STK39: variants seen among roughly 807,000 people sequenced by gnomAD.
STK39 encodes STE20/SPS1-related proline-alanine-rich protein kinase.
A neutral mutation model predicts 77.8 loss-of-function variants in STK39; 20 were observed. The ratio of observed to expected loss-of-function variants is 0.26; its 90% confidence interval spans 0.18 to 0.37. The LOEUF is 0.37. STK39 is among the 10% of genes least tolerant of loss of function. The probability of loss-of-function intolerance (pLI) is 1.00; values close to 1 mark genes in which losing one functional copy is unlikely to be tolerated. For missense variants in STK39, 479 were observed against 656.5 expected, an observed-to-expected ratio of 0.73 and a Z score of 2.95; for synonymous variants, 246 against 234.1, an observed-to-expected ratio of 1.05 and a Z score of -0.47.
At chr2:168,042,000 CTA>C (rs1685118556) in intron 14 of STK39, among the ~76,000 whole-genome samples, 1 of 152,164 alleles carries the variant, frequency 6.6e-6, no homozygotes, top group Admixed American at 6.5e-5. Flanking sequence ...GCTTGCCTCG[CTA>C]TATAATCTTT....
At chr2:168,173,354 T>C (rs1386500861) in intron 2 of STK39, among the ~76,000 whole-genome samples, 1 of 152,206 alleles carries the variant, frequency 6.6e-6, no homozygotes, top group African/African-American at 2.4e-5. Flanking sequence ...AGCAGCATTA[T>C]GAAAGGTAAC....
At chr2:168,041,215 T>C (rs1032528786) in intron 14 of STK39, among the ~76,000 whole-genome samples, 18 of 151,764 alleles carry the variant, frequency 1.2e-4, no homozygotes, top group Non-Finnish European at 2.4e-4. Context: ...TTAAAAAATA[T>C]GCAATCCTTC....
intron 16 of STK39, among the ~76,000 whole-genome samples, chr2:167,975,600 G>A (rs180926308): frequency 1.3e-5 from 2 of 152,288 alleles, no homozygotes; most frequent in East Asian, 1.9e-4. Context: ...CGGATCATGA[G>A]GTCAGGAGAT....
intron 1 of STK39, among the ~76,000 whole-genome samples, chr2:168,202,330 TG>T (rs1689630858): frequency 6.6e-6 from 1 of 152,222 alleles, no homozygotes; most frequent in African/African-American, 2.4e-5. Flanking sequence ...ACAGAAATCA[TG>T]GCTACAGTAC....
At chr2:168,101,401 C>G (rs1182746310) in intron 10 of STK39, among the ~76,000 whole-genome samples, 1 of 152,106 alleles carries the variant, frequency 6.6e-6, no homozygotes, top group East Asian at 1.9e-4. Context: ...ACTTGGTATA[C>G]TACTTACTGC....
At chr2:168,071,827 G>A (rs1289480593) in intron 12 of STK39, among the ~76,000 whole-genome samples, 4 of 148,004 alleles carry the variant, frequency 2.7e-5, no homozygotes, top group Non-Finnish European at 5.9e-5. Flanking sequence ...CCGAGATTGC[G>A]CCACTGCACT....
intron 12 of STK39, among the ~76,000 whole-genome samples, chr2:168,068,093 G>C (rs1163264366): frequency 6.6e-6 from 1 of 152,176 alleles, no homozygotes; most frequent in Non-Finnish European, 1.5e-5. Flanking sequence ...GAACAGTATA[G>C]GAAAACCTGC....
chr2:168,138,156 C>G lies in STK39; in HGVS notation c.906G>C (p.Met302Ile). Residue 302 changes from methionine (M) to isoleucine (I), a missense_variant, in exon 8 of 18, where the codon ATG becomes ATC. This residue lies in a region of STK39 where 244 missense variants were observed against 296.8 expected (regional missense o/e 0.82). Transcript: ENST00000355999. ...TLETGVEDKE[M>I]MKKYGKSFRK... ...TAAAGGACTTGCCGTACTTTTTCAT[C>G]ATTTCTTTATCCTCTACCCCTGTTT... 1 of 1,613,960 alleles carries G rather than the reference C, an allele frequency of 6.2e-7. No homozygotes were observed. The highest frequency in any genetic ancestry group is 8.5e-7 in the Non-Finnish European group (1 of 1,179,918).
At chr2:168,067,128 G>T (rs57290981) in intron 12 of STK39, among the ~76,000 whole-genome samples, 1 of 152,094 alleles carries the variant, frequency 6.6e-6, no homozygotes, top group Non-Finnish European at 1.5e-5. Flanking sequence ...AGGCTGAGGC[G>T]CAAGAATCAC....
intron 1 of STK39, among the ~76,000 whole-genome samples, chr2:168,208,762 T>C (rs1689807193): frequency 6.6e-6 from 1 of 152,198 alleles, no homozygotes; most frequent in African/African-American, 2.4e-5. Context: ...CACCTCTCCA[T>C]CACTGAGGCG....
At position 168,215,028 on chromosome 2, in the gene STK39, T is replaced by A. The variant is rs537603964; in HGVS notation, c.208+32200A>T. On this transcript the variant is annotated intron_variant, in intron 1 of 17. Coordinates refer to ENST00000355999, the MANE Select transcript of STK39 (RefSeq NM_013233.3). ...CTTTTACAGCTCTAGGGATGTACCA[T>A]GATCCATGTGTTTTCAACACCGTAT... Among the ~76,000 whole-genome samples, 11 of 152,354 alleles carry A rather than the reference T, an allele frequency of 7.2e-5. No homozygotes were observed. The South Asian group carries it at 2.3e-3, about 32-fold the overall frequency.
chr2:168,060,377 A>G (rs906736999), intron 14 of STK39, among the ~76,000 whole-genome samples: 3 of 152,152 alleles, frequency 2.0e-5, no homozygotes, highest in Non-Finnish European at 2.9e-5. Flanking sequence ...TGAGGGTGGG[A>G]CCCAAGAGAC....
intron 17 of STK39, among the ~76,000 whole-genome samples, chr2:167,956,730 C>T (rs1378161361): frequency 5.8e-5 from 2 of 34,366 alleles, no homozygotes; most frequent in Non-Finnish European, 1.2e-4. Flanking sequence ...TCTCTCTCTC[C>T]CCCCCCGCCC....
intron 2 of STK39, among the ~76,000 whole-genome samples, chr2:168,171,978 T>A (rs527995754): frequency 4.9e-4 from 75 of 151,944 alleles, no homozygotes; most frequent in Non-Finnish European, 8.7e-4. Flanking sequence ...GCACTCTATG[T>A]CACAGCTGGC....
intron 15 of STK39, among the ~76,000 whole-genome samples, chr2:168,013,342 A>C (rs111318734): frequency 6.6e-6 from 1 of 152,240 alleles, no homozygotes; most frequent in African/African-American, 2.4e-5. Flanking sequence ...GATGGGACTA[A>C]AGAGGCTGCG....
chr2:167,955,634 T>C, intron 17 of STK39, 64 bp from the exon 18 acceptor site: 2 of 1,530,070 alleles, frequency 1.3e-6, no homozygotes, highest in Non-Finnish European at 1.8e-6. Context: ...TAAAGTCTTG[T>C]TCCTATGATG....
At chr2:168,135,887 A>G (rs13016136) in intron 8 of STK39, among the ~76,000 whole-genome samples, 4 of 151,798 alleles carry the variant, frequency 2.6e-5, no homozygotes. Flanking sequence ...AGACCTTAAA[A>G]GATTAATACT....
chr2:167,959,907 A>T (rs181864184), intron 17 of STK39, among the ~76,000 whole-genome samples: 77 of 152,322 alleles, frequency 5.1e-4, no homozygotes, highest in Non-Finnish European at 8.5e-4. Context: ...GGCAAGTCAC[A>T]AAGAGTTTTG....
intron 1 of STK39, among the ~76,000 whole-genome samples, chr2:168,229,533 A>G (rs1276618361): frequency 1.3e-5 from 2 of 152,244 alleles, no homozygotes; most frequent in Non-Finnish European, 1.5e-5. Context: ...AAAGCTTCTA[A>G]TATTTCTATC....
Sources: gnomAD v4.1 joint callset for allele counts (sites outside exome capture counted in the v4.1 genomes callset) on GRCh38, gnomAD v4.1.1 for gene constraint, gnomAD v4.1.1 regional missense constraint, MANE v1.5 for transcripts, NCBI Gene and HGNC (gene_info 2026-07-23, HGNC 2026-07-21) for gene names.